TENM4: variants seen among roughly 807,000 people sequenced by gnomAD.
TENM4 encodes teneurin transmembrane protein 4, also known as teneurin-4.
Under a neutral mutation model 243.3 loss-of-function variants are expected in TENM4, and 82 were observed. The ratio of observed to expected loss-of-function variants is 0.34; its 90% CI spans 0.28 to 0.40. The LOEUF is 0.40. Among genes scored for constraint, TENM4 ranks in the 10% least tolerant of loss-of-function variants. The pLI is 1.00. For synonymous variants in TENM4, 1,412 were observed against 1,456.3 expected (o/e 0.97, Z 0.69); for missense variants, 3,138 against 3,673.3 (o/e 0.85, Z 3.77).
At chr11:79,133,468 T>C (rs1392464223) in intron 4 of TENM4, among the ~76,000 whole-genome samples, 2 of 151,838 alleles carry the variant, frequency 1.3e-5, no homozygotes, top group South Asian at 2.1e-4. Context: ...TTCCACAAGA[T>C]CGAGAAAGAA....
chr11:79,374,797 T>C (rs1472907799), intron 1 of TENM4, among the ~76,000 whole-genome samples: 1 of 152,064 alleles, frequency 6.6e-6, no homozygotes, highest in Non-Finnish European at 1.5e-5. Flanking sequence ...GAGAAAGGCA[T>C]TACTACAGTG....
chr11:79,428,569 A>G (rs909014568), intron 1 of TENM4, among the ~76,000 whole-genome samples: 2 of 152,208 alleles, frequency 1.3e-5, no homozygotes, highest in African/African-American at 4.8e-5. Flanking sequence ...CCAGAAGTGA[A>G]CAGAAAAGAA....
At chr11:79,144,490 G>A (rs1481992473) in intron 4 of TENM4, among the ~76,000 whole-genome samples, 1 of 152,042 alleles carries the variant, frequency 6.6e-6, no homozygotes, top group Non-Finnish European at 1.5e-5. Flanking sequence ...CATGTGTATC[G>A]TGGCACTACT....
At position 78,701,742 on chromosome 11, in the gene TENM4, T is replaced by C; in HGVS notation, c.4871A>G (p.Asn1624Ser). The C allele has an allele frequency of 6.2e-7, 1 of 1,613,994 alleles. No homozygotes were observed. The highest frequency in any genetic ancestry group is 8.5e-7 in the Non-Finnish European group (1 of 1,179,878). ...GDGDITLITDNNGNMVNVRRD... is the reference protein window; with the variant it reads ...GDGDITLITDSNGNMVNVRRD... The stretch of plus-strand genomic sequence containing the variant: ...GCGGACATTTACCATGTTGCCATTG[T>C]TGTCTGTGATGAGTGTGATGTCGCC... The change falls in exon 28 of 34, where the codon AAC (asparagine) becomes AGC (serine). Residue 1624 changes from asparagine to serine, a missense_variant. By Grantham distance (46) the Asn-to-Ser change is conservative. Coordinates refer to ENST00000278550, the MANE Select transcript of TENM4 (RefSeq NM_001098816.3).
intron 6 of TENM4, among the ~76,000 whole-genome samples, chr11:78,929,346 AAGG>A (rs1291638831): frequency 2.0e-5 from 3 of 152,238 alleles, no homozygotes; most frequent in African/African-American, 7.2e-5. Context: ...ACGCATTGCC[AAGG>A]AGAAGTCAAA....
At chr11:79,259,913 T>A (rs1855768157) in intron 2 of TENM4, among the ~76,000 whole-genome samples, 1 of 152,192 alleles carries the variant, frequency 6.6e-6, no homozygotes, top group Non-Finnish European at 1.5e-5. Context: ...GCTCTGAGCA[T>A]CTTATTATGG....
chr11:79,421,734 G>T (rs1858936411), intron 1 of TENM4, among the ~76,000 whole-genome samples: 1 of 151,540 alleles, frequency 6.6e-6, no homozygotes, highest in Non-Finnish European at 1.5e-5. Flanking sequence ...TTATCAGCAA[G>T]ACAGTGCTTC....
chr11:78,749,257 A>G (rs750663207), intron 19 of TENM4: 17 of 152,170 alleles, frequency 1.1e-4, no homozygotes, highest in Non-Finnish European at 1.9e-4. Context: ...GGATTTTTAA[A>G]AAACCAACAT....
chr11:78,687,498 G>A lies in TENM4; in HGVS notation c.5260+556C>T, dbSNP rs150011012. On this transcript the variant is annotated intron_variant, in intron 29 of 33. Coordinates refer to ENST00000278550, the MANE Select transcript of TENM4 (RefSeq NM_001098816.3). Reference sequence around the variant, plus strand: ...GCCCACCTGGGTCACCACATCCCATGAGAACAATTGAGGCAGATAATTAAC... The same window carrying A: ...GCCCACCTGGGTCACCACATCCCATAAGAACAATTGAGGCAGATAATTAAC... Among the ~76,000 whole-genome samples, 183 of 152,278 alleles carry A rather than the reference G, an allele frequency of 1.2e-3. No homozygotes were observed. In the Middle Eastern group the frequency reaches 0.014, roughly 11 times the overall value.
intron 1 of TENM4, among the ~76,000 whole-genome samples, chr11:79,384,666 C>A (rs909180515): frequency 1.3e-5 from 2 of 152,184 alleles, no homozygotes; most frequent in African/African-American, 4.8e-5. Context: ...TGGCTCACGC[C>A]TGTAATCCCA....
At chr11:78,902,104 T>A (rs1855940920) in intron 7 of TENM4, among the ~76,000 whole-genome samples, 1 of 152,200 alleles carries the variant, frequency 6.6e-6, no homozygotes, top group African/African-American at 2.4e-5. Context: ...AAATCTACGT[T>A]TCCCACTACT....
intron 6 of TENM4, among the ~76,000 whole-genome samples, chr11:78,992,389 G>A (rs1455681905): frequency 1.3e-5 from 2 of 152,192 alleles, no homozygotes; most frequent in Non-Finnish European, 2.9e-5. Context: ...CAAACCCCTA[G>A]TATTGCCTTC....
chr11:79,052,861 T>C (rs554999038), intron 6 of TENM4, among the ~76,000 whole-genome samples: 52 of 152,342 alleles, frequency 3.4e-4, no homozygotes, highest in Admixed American at 3.1e-3. Context: ...ATGTACAGCC[T>C]GCCTGAGAGC....
intron 3 of TENM4, among the ~76,000 whole-genome samples, chr11:79,189,862 T>C (rs1259489243): frequency 2.0e-5 from 3 of 152,218 alleles, no homozygotes; most frequent in African/African-American, 7.2e-5. Flanking sequence ...GCAGCCTCCG[T>C]TGATGGCCCC....
chr11:78,957,125 G>A (rs1004834834), intron 6 of TENM4, among the ~76,000 whole-genome samples: 2 of 152,176 alleles, frequency 1.3e-5, no homozygotes, highest in African/African-American at 4.8e-5. Context: ...ACAGGAGTTA[G>A]GTACTTAACT....
chr11:78,660,042 C>T (rs1210719610), intron 33 of TENM4, among the ~76,000 whole-genome samples: 5 of 152,202 alleles, frequency 3.3e-5, no homozygotes, highest in Admixed American at 1.3e-4. Flanking sequence ...CATTGACAGG[C>T]GAGGTTGGCA....
At chr11:79,247,397 A>G (rs1454174205) in intron 2 of TENM4, among the ~76,000 whole-genome samples, 1 of 141,364 alleles carries the variant, frequency 7.1e-6, no homozygotes, top group Non-Finnish European at 1.5e-5. Flanking sequence ...AGCCTGCCCA[A>G]AAGAGTGAGA....
intron 1 of TENM4, among the ~76,000 whole-genome samples, chr11:79,321,662 A>AG (rs1357605537): frequency 0.012 from 1,761 of 145,862 alleles, 78 homozygotes; most frequent in East Asian, 0.087. Context: ...AAAAAAAAAA[A>AG]AAGGGAGAGA....
chr11:79,320,718 A>G (rs1016554956), intron 1 of TENM4, among the ~76,000 whole-genome samples: 1 of 152,228 alleles, frequency 6.6e-6, no homozygotes, highest in African/African-American at 2.4e-5. Context: ...TGTGCCGATA[A>G]TGATGATAAG....
Sources: gnomAD v4.1 joint callset for allele counts (sites outside exome capture counted in the v4.1 genomes callset) on GRCh38, gnomAD v4.1.1 for gene constraint, MANE v1.5 for transcripts, NCBI Gene and HGNC (gene_info 2026-07-23, HGNC 2026-07-21) for gene names.